SLC6A6: variants seen among roughly 807,000 people sequenced by gnomAD.
SLC6A6 encodes solute carrier family 6 member 6, also known as sodium- and chloride-dependent taurine transporter.
SLC6A6 carries 16 observed loss-of-function variants against 68.8 expected under a neutral mutation model. The observed-to-expected ratio is 0.23, with a 90% confidence interval of 0.16 to 0.35. SLC6A6 has a LOEUF of 0.35. SLC6A6 is among the 10% of genes least tolerant of loss of function. SLC6A6 has a pLI of 1.00. For missense variants in SLC6A6, 474 were observed against 802.8 expected (o/e 0.59, Z 4.95); for synonymous variants, 312 against 315.4 (o/e 0.99, Z 0.12).
chr3:14,464,165 G>A (rs1700561427), intron 6 of SLC6A6, among the ~76,000 whole-genome samples: 1 of 152,182 alleles, frequency 6.6e-6, no homozygotes, highest in Admixed American at 6.5e-5. Context: ...GCGGCTTCCT[G>A]GAGGTCTCAT....
intron 14 of SLC6A6, 39 bp from the exon 15 acceptor site, chr3:14,484,828 C>T: frequency 2.5e-6 from 4 of 1,602,944 alleles, no homozygotes; most frequent in Non-Finnish European, 3.4e-6. Flanking sequence ...GACCAGGCCG[C>T]CTGACGTTTC....
At chr3:14,408,076 A>G (rs529926568) in intron 1 of SLC6A6, among the ~76,000 whole-genome samples, 1 of 152,104 alleles carries the variant, frequency 6.6e-6, no homozygotes, top group East Asian at 1.9e-4. Flanking sequence ...TAAAGCTTCT[A>G]TGTGCATATT....
intron 2 of SLC6A6, among the ~76,000 whole-genome samples, chr3:14,440,522 G>A (rs1179539059): frequency 6.6e-6 from 1 of 152,096 alleles, no homozygotes; most frequent in East Asian, 1.9e-4. Flanking sequence ...AGGAGCCTGT[G>A]TTTTCTTCTA....
At position 14,474,604 on chromosome 3, in the gene SLC6A6, C is replaced by A. The variant is rs531126806; in HGVS notation, c.1209+2287C>A. Reference sequence around the variant, plus strand: ...TCCTTAAGCTGCAGTGTTGCAATGCCTGGGTACTATTTTTACCCTTCTTAT... The same window carrying A: ...TCCTTAAGCTGCAGTGTTGCAATGCATGGGTACTATTTTTACCCTTCTTAT... On this transcript the variant is annotated intron_variant, in intron 10 of 14. Transcript: ENST00000622186. Among the ~76,000 whole-genome samples the A allele has an allele frequency of 2.1e-4, 32 of 152,310 alleles. No individual in the cohort carries two copies. The South Asian group carries it at 6.6e-3, about 32-fold the overall frequency.
intron 4 of SLC6A6, 78 bp from the exon 5 acceptor site, chr3:14,447,504 G>T: frequency 6.3e-7 from 1 of 1,576,650 alleles, no homozygotes; most frequent in East Asian, 2.2e-5. Flanking sequence ...GGATACCATG[G>T]CCTTCCAGTT....
At chr3:14,464,259 G>T (rs1030689106) in intron 6 of SLC6A6, among the ~76,000 whole-genome samples, 1 of 152,208 alleles carries the variant, frequency 6.6e-6, no homozygotes, top group South Asian at 2.1e-4. Context: ...TCAGTAAACT[G>T]CCAGTTGTGG....
At chr3:14,471,092 A>G (rs936814528) in intron 9 of SLC6A6, among the ~76,000 whole-genome samples, 1 of 144,374 alleles carries the variant, frequency 6.9e-6, no homozygotes, top group African/African-American at 2.6e-5. Flanking sequence ...CCTGCTGAAC[A>G]GCTCCTGCTC....
In SLC6A6 at chr3:14,484,999, A is replaced by G; in HGVS notation, c.1855A>G (p.Met619Val). The G allele has an allele frequency of 6.2e-7, 1 of 1,610,076 alleles. No individual in the cohort carries two copies. The highest frequency in any genetic ancestry group is 8.5e-7 in the Non-Finnish European group (1 of 1,177,188). Residue 619 changes from methionine (M) to valine (V), a missense_variant, in exon 15 of 15, where the codon ATG becomes GTG. Transcript: ENST00000622186. ...ACCGACCCACATCATTGTGGAGACCATGATGTGAGCTCTCTCGGGTCGACG... is the reference window on the plus strand; with the variant it reads ...ACCGACCCACATCATTGTGGAGACCGTGATGTGAGCTCTCTCGGGTCGACG... ...VKPTHIIVET[M>V]M
In SLC6A6 at chr3:14,486,102, G is replaced by C. The variant is rs1057218939; in HGVS notation, c.*1095G>C. The C allele has an allele frequency of 2.0e-5, 3 of 152,708 alleles. No individual in the cohort carries two copies. The highest frequency in any genetic ancestry group is 2.9e-5 in the Non-Finnish European group (2 of 68,080). The allele number at this position is 152,708 out of a possible 1,614,324, so 9.5% of individuals were successfully genotyped here. A position where few individuals can be genotyped will look rare whatever the true frequency, so the allele number is the denominator to read the frequency against. ...TGACATACCTGTTGAGGGACTAGGG[G>C]AGTGGTGGGGAGGTGAGTGGACCAA... is the stretch of plus-strand genomic sequence containing the variant. On this transcript the variant is annotated 3_prime_UTR_variant, in exon 15 of 15. Transcript: ENST00000622186.
chr3:14,418,850 A>C (rs1215377181), intron 2 of SLC6A6, among the ~76,000 whole-genome samples: 1 of 152,128 alleles, frequency 6.6e-6, no homozygotes, highest in African/African-American at 2.4e-5. Flanking sequence ...ATTGTTTCCA[A>C]GACTACACAG....
At chr3:14,467,816 C>A in intron 7 of SLC6A6, 37 bp from the exon 8 acceptor site, 1 of 1,378,194 alleles carries the variant, frequency 7.3e-7, no homozygotes, top group Non-Finnish European at 1.0e-6. Context: ...TCTGACAGCC[C>A]TCCTCTCTTT....
chr3:14,479,401 C>T (rs1047737404), intron 13 of SLC6A6, among the ~76,000 whole-genome samples: 3 of 152,172 alleles, frequency 2.0e-5, no homozygotes, highest in African/African-American at 7.2e-5. Context: ...GAGTAGAAAA[C>T]AAGAAGGGCA....
Position 14,468,936 on chromosome 3 carries a change from T to C in SLC6A6, c.1096+724T>C, listed in dbSNP as rs930424635. 6.6e-5 allele frequency among the ~76,000 whole-genome samples: 10 copies of C among 152,122 alleles called. No homozygotes were observed. Among genetic ancestry groups the C allele is most frequent in the Non-Finnish European group, 1.2e-4 (8 of 68,006 alleles). ...AGACGGGGAACTTAGGAATCTGGGATCCCAGAGTTCCAGCAAGGTGCTTCT... is the reference window on the plus strand; with the variant it reads ...AGACGGGGAACTTAGGAATCTGGGACCCCAGAGTTCCAGCAAGGTGCTTCT... On this transcript the variant is annotated intron_variant, in intron 9 of 14. Coordinates refer to ENST00000622186, the MANE Select transcript of SLC6A6 (RefSeq NM_003043.6). This position sits in a 1 kb window ranked among gnomAD's most constrained non-coding sequence, Gnocchi z 4.5.
At chr3:14,453,953 A>G (rs1700309579) in intron 5 of SLC6A6, among the ~76,000 whole-genome samples, 1 of 152,186 alleles carries the variant, frequency 6.6e-6, no homozygotes, top group Non-Finnish European at 1.5e-5. Context: ...GGAGGAAGTG[A>G]TGCTGCAGTC....
chr3:14,417,356 C>T (rs1359025658), intron 2 of SLC6A6, among the ~76,000 whole-genome samples: 3 of 152,174 alleles, frequency 2.0e-5, no homozygotes, highest in Non-Finnish European at 4.4e-5. Flanking sequence ...GTCACGTGAA[C>T]ATTCTTCCAT....
At chr3:14,464,905 C>T (rs1320581804) in intron 6 of SLC6A6, among the ~76,000 whole-genome samples, 2 of 152,220 alleles carry the variant, frequency 1.3e-5, no homozygotes, top group African/African-American at 2.4e-5. Flanking sequence ...TTCTGCATGT[C>T]GAAGTAAAAC....
intron 2 of SLC6A6, among the ~76,000 whole-genome samples, chr3:14,420,493 T>G (rs1056968789): frequency 6.7e-6 from 1 of 150,166 alleles, no homozygotes; most frequent in Admixed American, 6.6e-5. Context: ...ACTCTGCTTT[T>G]TTTTTTTTTT....
chr3:14,464,158 G>A (rs1248952870), intron 6 of SLC6A6, among the ~76,000 whole-genome samples: 1 of 152,214 alleles, frequency 6.6e-6, no homozygotes, highest in Non-Finnish European at 1.5e-5. Context: ...GCGGACAGCG[G>A]CTTCCTGGAG....
intron 6 of SLC6A6, among the ~76,000 whole-genome samples, chr3:14,465,114 AAC>A (rs536128554): frequency 2.3e-3 from 349 of 152,324 alleles, no homozygotes; most frequent in African/African-American, 8.0e-3. Flanking sequence ...CCCTGCCTGA[AAC>A]ACTAGGATCG....
Sources: gnomAD v4.1 joint callset for allele counts (sites outside exome capture counted in the v4.1 genomes callset) on GRCh38, gnomAD v4.1.1 for gene constraint, Gnocchi (gnomAD v3.1) non-coding constraint, MANE v1.5 for transcripts, NCBI Gene and HGNC (gene_info 2026-07-23, HGNC 2026-07-21) for gene names.